The following MED12L variants were observed in gnomAD, a reference collection of about 807,000 sequenced individuals.
The protein encoded by MED12L is mediator of RNA polymerase II transcription subunit 12-like protein.
In MED12L, 60 loss-of-function variants were observed where a neutral mutation model predicts 281.3. The ratio of observed to expected loss-of-function variants is 0.21; its 90% CI spans 0.17 to 0.26. MED12L has a LOEUF of 0.26. Ranked by LOEUF, MED12L falls within the 10% of genes least tolerant of loss-of-function variation. The pLI is 1.00. For missense variants in MED12L, 2,146 were observed against 2,680.9 expected (o/e 0.80, Z 4.41); for synonymous variants, 974 against 987.2 (o/e 0.99, Z 0.25).
At chr3:151,309,822 G>A (rs1055882559) in intron 16 of MED12L, among the ~76,000 whole-genome samples, 3 of 152,164 alleles carry the variant, frequency 2.0e-5, no homozygotes, top group African/African-American at 7.2e-5. Context: ...TTACTATTAG[G>A]CAGTCATGGA....
At chr3:151,107,380 CTAGTT>C (rs1722209045) in intron 2 of MED12L, among the ~76,000 whole-genome samples, 1 of 152,148 alleles carries the variant, frequency 6.6e-6, no homozygotes, top group African/African-American at 2.4e-5. Flanking sequence ...ACTCCCCAGA[CTAGTT>C]TAAGCCACTG....
intron 2 of MED12L, among the ~76,000 whole-genome samples, chr3:151,092,653 G>A (rs1431525667): frequency 1.3e-5 from 2 of 152,202 alleles, no homozygotes; most frequent in African/African-American, 2.4e-5. Context: ...GAGGTGGAAA[G>A]TTTGTTTCTT....
chr3:151,368,689 TATTTC>T (rs1175917645), intron 25 of MED12L, among the ~76,000 whole-genome samples: 2,233 of 41,904 alleles, frequency 0.053, 61 homozygotes, highest in East Asian at 0.12. Context: ...CATTTCATTT[TATTTC>T]ATTTCATTTC....
At chr3:151,174,957 C>T (rs1721865911) in intron 11 of MED12L, among the ~76,000 whole-genome samples, 1 of 152,120 alleles carries the variant, frequency 6.6e-6, no homozygotes, top group Non-Finnish European at 1.5e-5. Flanking sequence ...GCTGGGATTA[C>T]AGGTGACCAT....
At chr3:151,363,316 G>A (rs1754858472) in intron 21 of MED12L, among the ~76,000 whole-genome samples, 1 of 152,144 alleles carries the variant, frequency 6.6e-6, no homozygotes, top group African/African-American at 2.4e-5. Flanking sequence ...GATACACAGA[G>A]AGATTTCTAT....
intron 16 of MED12L, among the ~76,000 whole-genome samples, chr3:151,255,111 C>T (rs984615758): frequency 1.3e-5 from 2 of 152,016 alleles, no homozygotes; most frequent in Admixed American, 1.3e-4. Context: ...TAGGAACTTT[C>T]GAGTCACAAA....
chr3:151,164,021 G>C lies in MED12L; in HGVS notation c.1236G>C (p.Gly412=). The change falls in exon 9 of 45, where the codon GGG becomes GGC. Residue 412 remains glycine, a synonymous_variant. Coordinates refer to ENST00000687756, the MANE Select transcript of MED12L (RefSeq NM_001393769.1). ...CGTCCAGCCTCCCCATGCCGGGTGG[G>C]AACACGGCTTTCAATCAGCAGGTAG... ...VAPSSLPMPG[G]NTAFNQQVRA... is the part of the protein sequence containing the mutation. The C allele has an allele frequency of 6.2e-7, 1 of 1,613,342 alleles. No individual in the cohort carries two copies. The highest frequency in any genetic ancestry group is 1.1e-5 in the South Asian group (1 of 90,916).
chr3:151,322,517 C>T (rs545551858), intron 16 of MED12L, among the ~76,000 whole-genome samples: 20 of 152,054 alleles, frequency 1.3e-4, no homozygotes, highest in Non-Finnish European at 2.8e-4. Flanking sequence ...CTCTTTTAAA[C>T]TGACTTATCC....
chr3:151,226,939 A>G (rs1032744852), intron 16 of MED12L, among the ~76,000 whole-genome samples: 2 of 152,246 alleles, frequency 1.3e-5, no homozygotes, highest in Non-Finnish European at 2.9e-5. Flanking sequence ...GGAGAAACCC[A>G]GATCTGCTGC....
intron 16 of MED12L, chr3:151,213,539 G>A (rs187659532): frequency 1.2e-6 from 2 of 1,614,050 alleles, no homozygotes; most frequent in Non-Finnish European, 1.7e-6. Flanking sequence ...GCTTCGGTCT[G>A]ACTCTTTGTG....
intron 5 of MED12L, among the ~76,000 whole-genome samples, chr3:151,137,480 AG>A (rs1396957138): frequency 8.5e-5 from 13 of 152,314 alleles, no homozygotes; most frequent in Admixed American, 7.2e-4. Context: ...AATGGTATTT[AG>A]AAAGCAAGAT....
Position 151,086,984 on chromosome 3 carries a change from G to T in MED12L, c.58G>T (p.Gly20Trp). Reference sequence around the variant, plus strand: ...GAGACCGCTGAAGCGCCCCCGGCTCGGGCCGCCCGACGTCTACCCACAGGA... The same window carrying T: ...GAGACCGCTGAAGCGCCCCCGGCTCTGGCCGCCCGACGTCTACCCACAGGA... ...EQRPLKRPRL[G>W]PPDVYPQDPK... is the part of the protein sequence containing the mutation. The change falls in exon 2 of 45, where the codon GGG becomes TGG. Residue 20 changes from glycine (G) to tryptophan (W), a missense_variant. By Grantham distance (184) the Gly-to-Trp change is radical. Coordinates refer to ENST00000687756, the MANE Select transcript of MED12L (RefSeq NM_001393769.1). 1.2e-6 allele frequency: 2 copies of T among 1,610,118 alleles called. No homozygotes were observed. The highest frequency in any genetic ancestry group is 1.7e-6 in the Non-Finnish European group (2 of 1,178,918).
chr3:151,415,392 T>C (rs16863376), intron 42 of MED12L, among the ~76,000 whole-genome samples: 12,674 of 152,322 alleles, frequency 0.083, 854 homozygotes, highest in East Asian at 0.29. Flanking sequence ...GAGAATCATA[T>C]TGCAGTCATT....
intron 11 of MED12L, among the ~76,000 whole-genome samples, chr3:151,174,867 G>A (rs1576890876): frequency 2.0e-5 from 3 of 151,764 alleles, no homozygotes; most frequent in East Asian, 1.9e-4. Context: ...CCACACACCC[G>A]GCTAATTAAA....
At position 151,290,201 on chromosome 3, in the gene MED12L, T is replaced by C. The variant is rs541108411; in HGVS notation, c.2251-59858T>C. Among the ~76,000 whole-genome samples, 43 of 152,228 alleles carry C rather than the reference T, an allele frequency of 2.8e-4. 1 individual carries two copies. The South Asian group carries it at 8.7e-3, about 31-fold the overall frequency. ...ACTTCCGACCGTACTCTAACATAAT[T>C]CAAAGAGAAGTTGGCCAGTTTACTT... On this transcript the variant is annotated intron_variant, in intron 16 of 44. Transcript: ENST00000687756.
intron 3 of MED12L, among the ~76,000 whole-genome samples, chr3:151,121,184 T>C (rs1181299334): frequency 6.6e-6 from 1 of 152,224 alleles, no homozygotes; most frequent in Non-Finnish European, 1.5e-5. Flanking sequence ...AATTGGCTGC[T>C]ACTGGCTGCT....
intron 11 of MED12L, among the ~76,000 whole-genome samples, chr3:151,182,258 C>G (rs1466453719): frequency 6.6e-6 from 1 of 151,460 alleles, no homozygotes; most frequent in Non-Finnish European, 1.5e-5. Flanking sequence ...GGATGTATGC[C>G]ATAAGATAAA....
intron 16 of MED12L, chr3:151,337,598 T>C (rs1751183742): frequency 3.8e-6 from 2 of 528,542 alleles, no homozygotes; most frequent in Non-Finnish European, 6.6e-6. Flanking sequence ...GTCGTTTGTT[T>C]TGCTGCTAAT....
Position 151,188,398 on chromosome 3 carries a change from T to G in MED12L, c.1671T>G (p.Ser557=). ...SEVLDEKESI[S]SSSLAGSSLP... ...TCTTAGATGAGAAGGAGTCTATTTC[T>G]TCATCCTCTCTTGCTGGATCCAGTT... Residue 557 remains serine, a synonymous_variant, in exon 13 of 45, where the codon TCT becomes TCG. Transcript: ENST00000687756. 6.2e-7 allele frequency: 1 copy of G among 1,611,648 alleles called. No individual in the cohort carries two copies. The highest frequency in any genetic ancestry group is 1.7e-4 in the Middle Eastern group (1 of 6,048).
Sources: allele counts gnomAD v4.1 joint callset (sites outside exome capture counted in the v4.1 genomes callset), GRCh38; gene constraint gnomAD v4.1.1; transcripts MANE v1.5; gene names NCBI Gene and HGNC (gene_info 2026-07-23, HGNC 2026-07-21).